RTL9: variants seen among roughly 807,000 people sequenced by gnomAD.
RTL9 encodes retrotransposon Gag like 9, also known as retrotransposon Gag-like protein 9.
A neutral mutation model predicts 44.7 loss-of-function variants in RTL9; 19 were observed. The ratio of observed to expected loss-of-function variants is 0.42; its 90% CI spans 0.30 to 0.62. RTL9 has a LOEUF of 0.62. Among genes scored for constraint, RTL9 ranks in the 20% least tolerant of loss-of-function variants. The probability of loss-of-function intolerance (pLI) is 0.16; values close to 1 mark genes in which losing one functional copy is unlikely to be tolerated. For synonymous variants in RTL9, 407 were observed against 398.9 expected (o/e 1.02, Z -0.24); for missense variants, 1,105 against 1,080.6 (o/e 1.02, Z -0.32).
chrX:110,422,723 T>G (rs924326271), intron 1 of RTL9, among the ~76,000 whole-genome samples: 1 of 111,977 alleles, frequency 8.9e-6, no homozygotes, highest in Admixed American at 9.4e-5. Context: ...TGGGAGAACT[T>G]ATATGCTCTT....
chrX:110,430,792 A>AAT (rs1407187666), intron 1 of RTL9, among the ~76,000 whole-genome samples: 1 of 112,588 alleles, frequency 8.9e-6, no homozygotes, highest in Non-Finnish European at 1.9e-5. Context: ...TGAGTGAATA[A>AAT]ATGACTGTTT....
intron 1 of RTL9, among the ~76,000 whole-genome samples, chrX:110,395,898 G>A (rs1338090255): frequency 9.0e-6 from 1 of 111,632 alleles, no homozygotes; most frequent in Non-Finnish European, 1.9e-5. Context: ...GACAGCTCCA[G>A]TGTCCTTCTA....
intron 1 of RTL9, among the ~76,000 whole-genome samples, chrX:110,384,009 C>G (rs2068437653): frequency 8.9e-6 from 1 of 112,050 alleles, no homozygotes. Context: ...TAGAACAGAA[C>G]CTGACACATT....
At chrX:110,442,938 T>C (rs1438413018) in intron 1 of RTL9, among the ~76,000 whole-genome samples, 1 of 111,488 alleles carries the variant, frequency 9.0e-6, no homozygotes, top group Non-Finnish European at 1.9e-5. Context: ...TTACTGAATT[T>C]GGACCAATGA....
chrX:110,373,006 A>G (rs1203068478), intron 1 of RTL9, among the ~76,000 whole-genome samples: 2 of 112,355 alleles, frequency 1.8e-5, no homozygotes, highest in African/African-American at 6.5e-5. Context: ...AACAAATCTT[A>G]TTTAGTACTT....
chrX:110,455,214 T>C (rs369239125), exon 2 of RTL9: 1 of 1,210,188 alleles, frequency 8.3e-7, no homozygotes, highest in East Asian at 3.0e-5. Flanking sequence ...CCAGCATGTT[T>C]CCAAACGCTG....
chrX:110,445,399 G>A (rs1348281858), intron 2 of RTL9, 131 bp downstream of exon 2: 2 of 112,185 alleles, frequency 1.8e-5, no homozygotes, highest in Admixed American at 9.4e-5. Flanking sequence ...TTAACATAGT[G>A]CCTGGAATAG....
At chrX:110,450,458 C>T (rs948945773), upstream of RTL9, 1 of 474,293 alleles carries the variant, frequency 2.1e-6, no homozygotes, top group Admixed American at 3.3e-5. Context: ...ACCTTCAATG[C>T]CATATACCTG....
intron 1 of RTL9, chrX:110,440,291 T>C (rs752001930): frequency 8.0e-5 from 9 of 112,120 alleles, no homozygotes; most frequent in African/African-American, 1.6e-4. Flanking sequence ...TCCAGGTCCT[T>C]AGCATGTTCC....
intron 1 of RTL9, among the ~76,000 whole-genome samples, chrX:110,388,304 G>A (rs1244247610): frequency 8.9e-6 from 1 of 112,136 alleles, no homozygotes; most frequent in East Asian, 2.8e-4. Context: ...GTTATTGATT[G>A]ATAGGATTCT....
intron 1 of RTL9, among the ~76,000 whole-genome samples, chrX:110,428,760 C>T (rs1338822169): frequency 8.9e-6 from 1 of 111,880 alleles, no homozygotes; most frequent in Non-Finnish European, 1.9e-5. Flanking sequence ...ACCATACCTC[C>T]CCCCATTCCC....
chrX:110,380,240 G>A (rs1398760102), intron 1 of RTL9, among the ~76,000 whole-genome samples: 1 of 112,019 alleles, frequency 8.9e-6, no homozygotes, highest in Non-Finnish European at 1.9e-5. Context: ...AAAAGGATTA[G>A]AAACTTGAAC....
intron 1 of RTL9, among the ~76,000 whole-genome samples, chrX:110,390,700 T>C (rs2068488470): frequency 8.9e-6 from 1 of 112,011 alleles, no homozygotes; most frequent in Non-Finnish European, 1.9e-5. Flanking sequence ...AATGACTAAA[T>C]TATCTGGTCA....
exon 1 of RTL9, chrX:110,452,114 G>A (rs139077957): frequency 9.9e-6 from 12 of 1,209,403 alleles, no homozygotes; most frequent in Middle Eastern, 2.3e-4. Flanking sequence ...AGATGTCCAC[G>A]CCACTGAGGA....
intron 1 of RTL9, among the ~76,000 whole-genome samples, chrX:110,401,340 A>G (rs2068563252): frequency 9.0e-6 from 1 of 111,260 alleles, no homozygotes; most frequent in Admixed American, 9.5e-5. Context: ...TCAGTACTAC[A>G]GTGCCACCTA....
At chrX:110,441,458 C>G (rs769908208) in intron 1 of RTL9, among the ~76,000 whole-genome samples, 1 of 112,079 alleles carries the variant, frequency 8.9e-6, no homozygotes, top group Non-Finnish European at 1.9e-5. Flanking sequence ...GCAAGTAGCT[C>G]AATGCTTAGT....
rs773393480 is a variant in RTL9, at chrX:110,371,132, C to T, written c.-168+12216C>T. ...ATTTTTTAGAGCAGTTTTAGGTTAA[C>T]AGCAAAATTGAGAGGAACATACAGA... On this transcript the variant is annotated intron_variant, in intron 1 of 2. Transcript: ENST00000520821. 5.4e-5 allele frequency among the ~76,000 whole-genome samples: 6 copies of T among 111,413 alleles called. No individual in the cohort carries two copies. In the South Asian group the frequency reaches 2.4e-3, roughly 44 times the overall value.
intron 1 of RTL9, among the ~76,000 whole-genome samples, chrX:110,410,505 G>A (rs776458726): frequency 1.5e-4 from 17 of 111,795 alleles, no homozygotes; most frequent in Non-Finnish European, 3.0e-4. Context: ...CACTTTGACC[G>A]AAAATCTCCT....
exon 1 of RTL9, chrX:110,452,676 A>G (rs1215279642): frequency 1.7e-6 from 2 of 1,211,467 alleles, no homozygotes; most frequent in East Asian, 3.0e-5. Context: ...AATGACAGCC[A>G]CAGTCTCTGG....
Sources: gnomAD v4.1 joint callset for allele counts (sites outside exome capture counted in the v4.1 genomes callset) on GRCh38, gnomAD v4.1.1 for gene constraint, MANE v1.5 for transcripts, NCBI Gene and HGNC (gene_info 2026-07-23, HGNC 2026-07-21) for gene names.